The following LPIN2 variants were observed in gnomAD, a reference collection of about 807,000 sequenced individuals.
LPIN2 encodes the protein phosphatidate phosphatase LPIN2.
Under a neutral mutation model 111.4 loss-of-function variants are expected in LPIN2, and 55 were observed. The ratio of observed to expected loss-of-function variants is 0.49; its 90% CI spans 0.40 to 0.62. The LOEUF (loss-of-function observed/expected upper bound fraction) is 0.62. LPIN2 is among the 20% of genes least tolerant of loss of function. The probability of loss-of-function intolerance (pLI) is 0.00; values close to 1 mark genes in which losing one functional copy is unlikely to be tolerated. For missense variants in LPIN2, 992 were observed against 1,112.1 expected (o/e 0.89, Z 1.54); for synonymous variants, 425 against 414.0 (o/e 1.03, Z -0.32).
chr18:2,937,544 T>TA (rs71366618), intron 7 of LPIN2, 148 bp downstream of exon 7: 4,815 of 343,614 alleles, frequency 0.014, 37 homozygotes, highest in African/African-American at 0.023. Context: ...AAACTCCAGC[T>TA]AAAAAAAAAA....
chr18:2,925,352 A>G lies in LPIN2; in HGVS notation c.1810T>C (p.Ser604Pro), dbSNP rs770217970. The G allele has an allele frequency of 6.2e-7, 1 of 1,614,072 alleles. No individual in the cohort carries two copies. The highest frequency in any genetic ancestry group is 8.5e-7 in the Non-Finnish European group (1 of 1,180,000). The change falls in exon 14 of 20, where the codon TCC becomes CCC. Residue 604 changes from serine (S) to proline (P), a missense_variant. By Grantham distance (74) the Ser-to-Pro change is moderately conservative (BLOSUM62 -1). Transcript: ENST00000677752. This position sits in a 1 kb window ranked among gnomAD's most constrained non-coding sequence, Gnocchi z 4.1. ...TCCTGTGATCCCTCGTCACTCGAGG[A>G]GTCATTCTCGGCCGGCCTGTTCAAC... ...PAGARPAENDSSSDEGSQELE... is the reference protein window; with the variant it reads ...PAGARPAENDPSSDEGSQELE...
chr18:3,001,974 A>T (rs1015060157), intron 1 of LPIN2, among the ~76,000 whole-genome samples: 11 of 152,114 alleles, frequency 7.2e-5, no homozygotes, highest in African/African-American at 2.2e-4. Context: ...TTCCTTTCCA[A>T]CTCTCAGGAT....
At chr18:2,922,309 CTG>C (rs1240500547) in intron 16 of LPIN2, 110 bp from the exon 17 acceptor site, 3 of 1,288,204 alleles carry the variant, frequency 2.3e-6, no homozygotes, top group Non-Finnish European at 3.2e-6. Context: ...GAGTCTCACT[CTG>C]TTACCCAGGC....
rs1369318023 is a variant in LPIN2 at position 2,954,599 on chromosome 18, T to C, written c.193A>G (p.Ile65Val). 1.3e-6 allele frequency: 2 copies of C among 1,597,656 alleles called. No homozygotes were observed. The highest frequency in any genetic ancestry group is 1.7e-6 in the Non-Finnish European group (2 of 1,164,948). The change falls in exon 3 of 20, where the codon ATT becomes GTT. Residue 65 changes from isoleucine to valine, a missense_variant and splice_region_variant. Coordinates refer to ENST00000677752, the MANE Select transcript of LPIN2 (RefSeq NM_001375808.2). Reference sequence around the variant, plus strand: ...GCACTGCCGTTGATTTCTATATCAATCTATGGGAGAAACAAAGTATGACTT... The same window carrying C: ...GCACTGCCGTTGATTTCTATATCAACCTATGGGAGAAACAAAGTATGACTT... ...LGVLRSKEKV[I>V]DIEINGSAVD...
chr18:2,991,690 C>T (rs2078267683), intron 1 of LPIN2, among the ~76,000 whole-genome samples: 1 of 151,922 alleles, frequency 6.6e-6, no homozygotes, highest in Admixed American at 6.6e-5. Context: ...CCAACCTGAG[C>T]ACCAGAATGA....
At chr18:2,971,192 A>G (rs2077902889) in intron 1 of LPIN2, among the ~76,000 whole-genome samples, 2 of 152,214 alleles carry the variant, frequency 1.3e-5, no homozygotes, top group Admixed American at 1.3e-4. Flanking sequence ...TCAAAAGCCA[A>G]TACCAGTTTT....
At chr18:3,013,023 G>T (rs1267834952) in intron 1 of LPIN2, 64 bp downstream of exon 1, 1 of 150,698 alleles carries the variant, frequency 6.6e-6, no homozygotes, top group Non-Finnish European at 1.5e-5. Flanking sequence ...AAGCCCCCAG[G>T]CGCAGACACT....
At chr18:2,920,928 G>A (rs771460458) in intron 18 of LPIN2, 47 bp from the exon 19 acceptor site, 13 of 1,272,462 alleles carry the variant, frequency 1.0e-5, no homozygotes, top group Middle Eastern at 1.9e-4. Context: ...GGAGAATTCA[G>A]GAGATACTTC....
rs565140691 is a variant in LPIN2, at chr18:2,982,788, T to G, written c.-9-21939A>C. The G allele has an allele frequency of 3.8e-5, 45 of 1,182,764 alleles. No homozygotes were observed. The African/African-American group carries it at 6.6e-4, about 17-fold the overall frequency. The allele number at this position is 1,182,764 out of a possible 1,614,324, so 73.3% of individuals were successfully genotyped here. On this transcript the variant is annotated intron_variant, in intron 1 of 19. Coordinates refer to ENST00000677752, the MANE Select transcript of LPIN2 (RefSeq NM_001375808.2). ...AAAACATCTTGAAATTTAACTAGCA[T>G]GTCTTTTTTCAGAGATGAAGGTATA...
rs753463065 is a variant in LPIN2, at chr18:2,929,095, T to C, written c.1520A>G (p.Asn507Ser). Residue 507 changes from asparagine (N) to serine (S), a missense_variant, in exon 10 of 20, where the codon AAT becomes AGT. By Grantham distance (46) the Asn-to-Ser change is conservative (BLOSUM62 1). This residue lies in a region of LPIN2 where 709 missense variants were observed against 753.2 expected (regional missense o/e 0.94). Transcript: ENST00000677752. ...ATATATCCTTATTACAAGGTTAGGA[T>C]TGTCTATAAGTCCAGGGTTTTCTGC... ...EFAENPGLIDNPNLVIRIYNR... is the reference protein window; with the variant it reads ...EFAENPGLIDSPNLVIRIYNR... The C allele has an allele frequency of 8.1e-6, 13 of 1,601,086 alleles. No homozygotes were observed. The highest frequency in any genetic ancestry group is 2.7e-5 in the African/African-American group (2 of 74,648).
At chr18:2,984,480 G>A (rs1040160875) in intron 1 of LPIN2, among the ~76,000 whole-genome samples, 9 of 152,232 alleles carry the variant, frequency 5.9e-5, no homozygotes, top group African/African-American at 1.9e-4. Flanking sequence ...GATAAAAACC[G>A]GATATTGGGG....
At chr18:2,936,848 G>A (rs939011545) in intron 7 of LPIN2, among the ~76,000 whole-genome samples, 11 of 152,174 alleles carry the variant, frequency 7.2e-5, no homozygotes, top group African/African-American at 2.7e-4. Context: ...CTAAGTACTG[G>A]GATTACAGGT....
In LPIN2 at chr18:2,921,980, C is replaced by T. The variant is rs889306199; in HGVS notation, c.2327+67G>A. 6 of 1,541,134 alleles carry T rather than the reference C, an allele frequency of 3.9e-6. No individual in the cohort carries two copies. In the African/African-American group the frequency reaches 6.9e-5, roughly 18 times the overall value. On this transcript the variant is annotated intron_variant, in intron 17 of 19. Coordinates refer to ENST00000677752, the MANE Select transcript of LPIN2 (RefSeq NM_001375808.2). Reference sequence around the variant, plus strand: ...CTGACTTCTGTTCCCACACATCCCCCCACCTTGGGCCCAGCCCCGCCCACA... The same window carrying T: ...CTGACTTCTGTTCCCACACATCCCCTCACCTTGGGCCCAGCCCCGCCCACA...
chr18:3,008,635 T>C (rs928865450), intron 1 of LPIN2, among the ~76,000 whole-genome samples: 1 of 152,216 alleles, frequency 6.6e-6, no homozygotes, highest in Non-Finnish European at 1.5e-5. Context: ...AGCTCCTCCC[T>C]TCATCTAATA....
chr18:2,944,589 A>C (rs2143035501), intron 4 of LPIN2, among the ~76,000 whole-genome samples: 1 of 152,150 alleles, frequency 6.6e-6, no homozygotes, highest in South Asian at 2.1e-4. Context: ...TGACCTCGTG[A>C]TCTGCCCGCC....
intron 1 of LPIN2, among the ~76,000 whole-genome samples, chr18:2,973,928 T>C (rs886322037): frequency 2.0e-5 from 3 of 152,204 alleles, no homozygotes; most frequent in African/African-American, 7.2e-5. Context: ...TTAGAGCATT[T>C]TGGATTTCAG....
At chr18:2,933,590 C>T (rs2077244094) in intron 8 of LPIN2, among the ~76,000 whole-genome samples, 1 of 152,226 alleles carries the variant, frequency 6.6e-6, no homozygotes, top group Non-Finnish European at 1.5e-5. Context: ...TCCCATCTTT[C>T]TATTCCAAAT....
rs1334812738 is a variant in LPIN2, at chr18:2,917,794, T to C, written c.*2499A>G. The C allele has an allele frequency of 6.6e-6, 1 of 152,078 alleles. No individual in the cohort carries two copies. Among genetic ancestry groups the C allele is most frequent in the African/African-American group, 2.4e-5 (1 of 41,366 alleles). The allele number at this position is 152,078 out of a possible 1,614,324, so 9.4% of individuals were successfully genotyped here. Reference sequence around the variant, plus strand: ...AGCAAATACGAGACTTAGACTGAACTGCAAAGAGGGAAAGGGCCATTTCAC... The same window carrying C: ...AGCAAATACGAGACTTAGACTGAACCGCAAAGAGGGAAAGGGCCATTTCAC... On this transcript the variant is annotated 3_prime_UTR_variant, in exon 20 of 20. Transcript: ENST00000677752.
At chr18:2,974,381 C>T (rs1005691402) in intron 1 of LPIN2, among the ~76,000 whole-genome samples, 2 of 152,154 alleles carry the variant, frequency 1.3e-5, no homozygotes, top group South Asian at 2.1e-4. Context: ...GCCTGGGCTT[C>T]TACTGGTATT....
Sources: gnomAD v4.1 joint callset for allele counts (sites outside exome capture counted in the v4.1 genomes callset) on GRCh38, gnomAD v4.1.1 for gene constraint, gnomAD v4.1.1 regional missense constraint, Gnocchi (gnomAD v3.1) non-coding constraint, MANE v1.5 for transcripts, NCBI Gene and HGNC (gene_info 2026-07-23, HGNC 2026-07-21) for gene names.